Variants in SHQ1 observed in about 807,000 individuals in gnomAD.
SHQ1 encodes SHQ1, H/ACA ribonucleoprotein assembly factor.
A neutral mutation model predicts 53.8 loss-of-function variants in SHQ1; 49 were observed. That is an observed-to-expected ratio of 0.91 (90% CI 0.72 to 1.16). The LOEUF is 1.16. Ranked by LOEUF, SHQ1 falls within the 50% of genes most tolerant of loss-of-function variation. The pLI, the probability that SHQ1 is intolerant of heterozygous loss-of-function variation, is 0.00. For missense variants in SHQ1, 738 were observed against 683.1 expected (o/e 1.08, Z -0.90); for synonymous variants, 243 against 251.0 (o/e 0.97, Z 0.30).
At chr3:72,793,087 G>C (rs1706492899) in intron 9 of SHQ1, 51 bp from the exon 10 acceptor site, 2 of 1,486,412 alleles carry the variant, frequency 1.3e-6, no homozygotes, top group Admixed American at 1.9e-5. Context: ...AAGAAATTCA[G>C]ACCCTGAGAG....
intron 10 of SHQ1, among the ~76,000 whole-genome samples, chr3:72,758,448 T>C (rs188005132): frequency 1.4e-4 from 21 of 152,250 alleles, no homozygotes; most frequent in African/African-American, 4.6e-4. Flanking sequence ...AGCAGAATCA[T>C]TTTCTGAAAA....
chr3:72,840,940 C>A (rs989000949), intron 4 of SHQ1, 105 bp downstream of exon 4: 2 of 1,300,880 alleles, frequency 1.5e-6, no homozygotes, highest in African/African-American at 3.0e-5. Context: ...ACAATCACCT[C>A]CTGTAATATT....
intron 9 of SHQ1, among the ~76,000 whole-genome samples, chr3:72,808,192 A>G (rs182154827): frequency 2.6e-5 from 4 of 151,366 alleles, no homozygotes; most frequent in Admixed American, 1.3e-4. Context: ...AGACTTAAGG[A>G]AAAAAAAAGA....
At chr3:72,782,254 C>T (rs1169021835) in intron 10 of SHQ1, among the ~76,000 whole-genome samples, 1 of 152,040 alleles carries the variant, frequency 6.6e-6, no homozygotes, top group Non-Finnish European at 1.5e-5. Context: ...TGCTTATATC[C>T]AACCATTAAA....
In SHQ1 at chr3:72,751,758, A is replaced by G. The variant is rs564176934; in HGVS notation, c.1182-922T>C. Among the ~76,000 whole-genome samples, 6 of 152,158 alleles carry G rather than the reference A, an allele frequency of 3.9e-5. No homozygotes were observed. The South Asian group carries it at 1.2e-3, about 32-fold the overall frequency. On this transcript the variant is annotated intron_variant, in intron 10 of 10. Transcript: ENST00000325599. ...TTATTGGCAAATACCCAAACATTTG[A>G]TATTATTCTGTTAACAAGACTGCAG...
chr3:72,763,713 G>T (rs975726678), intron 10 of SHQ1, among the ~76,000 whole-genome samples: 8 of 152,210 alleles, frequency 5.3e-5, no homozygotes, highest in African/African-American at 1.9e-4. Context: ...GGTGTGATGT[G>T]TTCATATGCC....
intron 9 of SHQ1, among the ~76,000 whole-genome samples, chr3:72,807,582 A>G (rs1040447598): frequency 6.6e-6 from 1 of 152,186 alleles, no homozygotes; most frequent in East Asian, 1.9e-4. Flanking sequence ...CTACAATTCA[A>G]TTTTTTTAAA....
rs59948195 is a variant in SHQ1 at position 72,792,784 on chromosome 3, CAAAAAAAAAA to C, written c.1181+122_1181+131del. 27 of 258,902 alleles carry C rather than the reference CAAAAAAAAAA, an allele frequency of 1.0e-4. 1 individual carries two copies. Among genetic ancestry groups the C allele is most frequent in the African/African-American group, 9.7e-4 (11 of 11,286 alleles). 16.0% of individuals were successfully genotyped at this position (258,902 alleles called of 1,614,324 possible). A position where few individuals can be genotyped will look rare whatever the true frequency, so the allele number is the denominator to read the frequency against. ...GGGTGACAAGGGCAAACCTCCATCT[CAAAAAAAAAA>C]AAAAAAAAAAAAAAAAACACAACTT... is the stretch of plus-strand genomic sequence containing the variant. On this transcript the variant is annotated intron_variant, in intron 10 of 10. Transcript: ENST00000325599.
intron 10 of SHQ1, among the ~76,000 whole-genome samples, chr3:72,751,801 T>C (rs1174919937): frequency 3.3e-5 from 5 of 152,060 alleles, no homozygotes; most frequent in African/African-American, 1.2e-4. Context: ...GGCACTTTCA[T>C]ATACTGATGC....
the SHQ1 span, among the ~76,000 whole-genome samples, chr3:72,737,319 T>C: frequency 6.6e-6 from 1 of 151,660 alleles, no homozygotes; most frequent in African/African-American, 2.4e-5. Flanking sequence ...AAAAAGGTAC[T>C]GTAGGGTTAA....
intron 9 of SHQ1, among the ~76,000 whole-genome samples, chr3:72,810,137 A>G (rs747672300): frequency 1.3e-5 from 2 of 152,188 alleles, no homozygotes; most frequent in African/African-American, 2.4e-5. Flanking sequence ...AGACAGAGAC[A>G]GGGGAAAAAA....
intron 10 of SHQ1, chr3:72,753,616 C>T: frequency 1.0e-6 from 1 of 985,254 alleles, no homozygotes; most frequent in Non-Finnish European, 1.2e-6. Flanking sequence ...TTTCTCTTAG[C>T]CCTGGGTTTC....
rs537622311 is a variant in SHQ1 at position 72,749,644 on chromosome 3, T to C, written c.*640A>G. Reference sequence around the variant, plus strand: ...ACGCCAACACATTGTACACTTTTGATACGTGCAGTTTATTGGGTGTCAAGT... The same window carrying C: ...ACGCCAACACATTGTACACTTTTGACACGTGCAGTTTATTGGGTGTCAAGT... On this transcript the variant is annotated 3_prime_UTR_variant, in exon 11 of 11. Coordinates refer to ENST00000325599, the MANE Select transcript of SHQ1 (RefSeq NM_018130.3). The C allele has an allele frequency of 9.9e-4, 216 of 217,216 alleles. No individual in the cohort carries two copies. Among genetic ancestry groups the C allele is most frequent in the African/African-American group, 4.5e-3 (202 of 44,506 alleles). 13.5% of individuals were successfully genotyped at this position (217,216 alleles called of 1,614,324 possible). A position where few individuals can be genotyped will look rare whatever the true frequency, so the allele number is the denominator to read the frequency against.
At chr3:72,753,844 C>T (rs755987485) in intron 10 of SHQ1, among the ~76,000 whole-genome samples, 30 of 152,096 alleles carry the variant, frequency 2.0e-4, no homozygotes, top group Non-Finnish European at 3.8e-4. Flanking sequence ...AGATAATGTC[C>T]ACCATATATT....
chr3:72,758,567 C>CT (rs869225766), intron 10 of SHQ1, among the ~76,000 whole-genome samples: 2,568 of 126,100 alleles, frequency 0.02, 69 homozygotes, highest in East Asian at 0.049. Context: ...ACTATTTTTT[C>CT]TTTTTTTTTT....
At chr3:72,726,952 A>G in the SHQ1 span, among the ~76,000 whole-genome samples, 1 of 152,208 alleles carries the variant, frequency 6.6e-6, no homozygotes, top group Non-Finnish European at 1.5e-5. Flanking sequence ...CACATCAGAA[A>G]GCCTCCAAGG....
chr3:72,778,199 G>A (rs559973291), intron 10 of SHQ1, among the ~76,000 whole-genome samples: 43 of 152,102 alleles, frequency 2.8e-4, no homozygotes, highest in Admixed American at 9.8e-4. Flanking sequence ...ACCTATAATC[G>A]ATCCACTTTG....
chr3:72,837,507 CAAAA>C (rs1404871958), intron 4 of SHQ1, among the ~76,000 whole-genome samples: 3 of 151,780 alleles, frequency 2.0e-5, no homozygotes, highest in African/African-American at 7.2e-5. Flanking sequence ...TTATTAGAAA[CAAAA>C]AAGCCATTTT....
chr3:72,824,583 C>A, intron 5 of SHQ1, 32 bp from the exon 6 acceptor site: 1 of 1,580,422 alleles, frequency 6.3e-7, no homozygotes, highest in Non-Finnish European at 8.6e-7. Context: ...ACTTACTATA[C>A]AGGATTTCAC....
Sources: gnomAD v4.1 joint callset for allele counts (sites outside exome capture counted in the v4.1 genomes callset) on GRCh38, gnomAD v4.1.1 for gene constraint, MANE v1.5 for transcripts, NCBI Gene and HGNC (gene_info 2026-07-23, HGNC 2026-07-21) for gene names.